The following TNS3 variants were observed in gnomAD, a reference collection of about 807,000 sequenced individuals.
TNS3 encodes the protein tensin-3.
TNS3 carries 45 observed loss-of-function variants against 140.9 expected under a neutral mutation model. The ratio of observed to expected loss-of-function variants is 0.32; its 90% CI spans 0.25 to 0.41. The LOEUF (loss-of-function observed/expected upper bound fraction) is 0.41, where lower values mean the gene tolerates loss of function less well. TNS3 is among the 10% of genes least tolerant of loss of function. The pLI, the probability that TNS3 is intolerant of heterozygous loss-of-function variation, is 1.00. For missense variants in TNS3, 1,716 were observed against 1,906.7 expected (o/e 0.90, Z 1.86); for synonymous variants, 815 against 788.4 (o/e 1.03, Z -0.56).
chr7:47,302,162 G>A (rs1584350917), intron 23 of TNS3, 24 bp downstream of exon 23: 2 of 1,601,012 alleles, frequency 1.2e-6, no homozygotes, highest in Non-Finnish European at 1.7e-6. Flanking sequence ...GATGCCCAAG[G>A]AGGCCCTCAT....
chr7:47,475,543 G>A (rs1220215908), intron 4 of TNS3, among the ~76,000 whole-genome samples: 6 of 149,228 alleles, frequency 4.0e-5, no homozygotes, highest in African/African-American at 1.2e-4. Flanking sequence ...CGGGGGGGGG[G>A]CCAGGCCCTC....
intron 2 of TNS3, among the ~76,000 whole-genome samples, chr7:47,514,458 G>A (rs1798713934): frequency 6.6e-6 from 1 of 152,146 alleles, no homozygotes; most frequent in South Asian, 2.1e-4. Context: ...CTCCTAGCAG[G>A]TGCTTAATAA....
At chr7:47,339,047 T>C (rs1013222677) in intron 20 of TNS3, among the ~76,000 whole-genome samples, 1 of 152,222 alleles carries the variant, frequency 6.6e-6, no homozygotes, top group Non-Finnish European at 1.5e-5. Flanking sequence ...ATTTTCTAAG[T>C]GAATTGTTTG....
At chr7:47,458,771 A>ATC (rs1796363900) in intron 4 of TNS3, among the ~76,000 whole-genome samples, 1 of 152,194 alleles carries the variant, frequency 6.6e-6, no homozygotes, top group African/African-American at 2.4e-5. Flanking sequence ...CTGTGGCTGA[A>ATC]GAGCAGGGCC....
intron 13 of TNS3, among the ~76,000 whole-genome samples, chr7:47,411,164 AT>A (rs1213583001): frequency 6.6e-6 from 1 of 152,208 alleles, no homozygotes; most frequent in Non-Finnish European, 1.5e-5. Flanking sequence ...TAGGACATTA[AT>A]TTCCAGGTTG....
chr7:47,562,721 A>G (rs984919807), intron 1 of TNS3, among the ~76,000 whole-genome samples: 3 of 152,164 alleles, frequency 2.0e-5, no homozygotes, highest in Admixed American at 2.0e-4. Flanking sequence ...AACATTTCAC[A>G]AAACTCTGCA....
At chr7:47,504,075 G>C (rs944699866) in intron 3 of TNS3, among the ~76,000 whole-genome samples, 1 of 152,172 alleles carries the variant, frequency 6.6e-6, no homozygotes, top group Non-Finnish European at 1.5e-5. Flanking sequence ...GACTAGAAAG[G>C]CTTCAGGAGA....
At chr7:47,551,215 C>G (rs997307998) in intron 1 of TNS3, among the ~76,000 whole-genome samples, 1 of 152,236 alleles carries the variant, frequency 6.6e-6, no homozygotes. Flanking sequence ...CAAGCTCTAG[C>G]ACCTGAGCTC....
intron 3 of TNS3, among the ~76,000 whole-genome samples, chr7:47,492,833 G>A (rs1797862878): frequency 6.6e-6 from 1 of 152,242 alleles, no homozygotes; most frequent in South Asian, 2.1e-4. Flanking sequence ...GCCTCATGCT[G>A]AGAAAGGCGG....
At chr7:47,288,148 T>G (rs563578877) in intron 27 of TNS3, among the ~76,000 whole-genome samples, 1 of 152,174 alleles carries the variant, frequency 6.6e-6, no homozygotes, top group Admixed American at 6.5e-5. Flanking sequence ...CATATAGGGC[T>G]GAATGGGCAG....
chr7:47,411,707 C>A lies in TNS3; in HGVS notation c.723+20G>T, dbSNP rs562406719. ...GAGAGTGGGGACACCAACCCATCTGCGGCCACAGCGGGCACTCACCATGAC... is the reference window on the plus strand; with the variant it reads ...GAGAGTGGGGACACCAACCCATCTGAGGCCACAGCGGGCACTCACCATGAC... On this transcript the variant is annotated intron_variant, in intron 13 of 30. Transcript: ENST00000311160. 2 of 1,602,074 alleles carry A rather than the reference C, an allele frequency of 1.2e-6. No homozygotes were observed. Among genetic ancestry groups the A allele is most frequent in the African/African-American group, 2.7e-5 (2 of 74,582 alleles).
intron 28 of TNS3, among the ~76,000 whole-genome samples, chr7:47,282,233 TGC>T (rs1785183881): frequency 6.8e-6 from 1 of 147,838 alleles, no homozygotes; most frequent in Admixed American, 6.7e-5. Flanking sequence ...GAGTCCACCA[TGC>T]AGCTGAGCCA....
At chr7:47,405,500 T>C (rs1206249922) in intron 13 of TNS3, 2 of 702,980 alleles carry the variant, frequency 2.8e-6, no homozygotes, top group Non-Finnish European at 5.2e-6. Context: ...ACACTAACCA[T>C]GATTTCTTCA....
At position 47,529,079 on chromosome 7, in the gene TNS3, T is replaced by G. The variant is rs765791832; in HGVS notation, c.-196A>C. On this transcript the variant is annotated 5_prime_UTR_variant, in exon 2 of 31. Coordinates refer to ENST00000311160, the MANE Select transcript of TNS3 (RefSeq NM_022748.12). ...GACCGTCAATAATTTGTTTGCAAAC[T>G]CCACACACTTTGGATTTTTTAAAGG... is the stretch of plus-strand genomic sequence containing the variant. 3.9e-6 allele frequency: 5 copies of G among 1,289,018 alleles called. No homozygotes were observed. The highest frequency in any genetic ancestry group is 1.5e-5 in the African/African-American group (1 of 65,856). The allele number at this position is 1,289,018 out of a possible 1,614,324, so 79.8% of individuals were successfully genotyped here.
chr7:47,519,573 G>A (rs1798894414), intron 2 of TNS3, among the ~76,000 whole-genome samples: 1 of 152,182 alleles, frequency 6.6e-6, no homozygotes, highest in African/African-American at 2.4e-5. Flanking sequence ...TGACTGTCCA[G>A]GACTTCTTTG....
intron 3 of TNS3, among the ~76,000 whole-genome samples, chr7:47,482,024 G>A (rs1396090430): frequency 6.6e-6 from 1 of 152,260 alleles, no homozygotes; most frequent in Non-Finnish European, 1.5e-5. Flanking sequence ...AAGGGAGCCA[G>A]GCAGGCATTG....
At chr7:47,495,620 A>T (rs1395487762) in intron 3 of TNS3, among the ~76,000 whole-genome samples, 1 of 152,174 alleles carries the variant, frequency 6.6e-6, no homozygotes, top group Admixed American at 6.5e-5. Flanking sequence ...CTCAGGAACA[A>T]GATCCCACTG....
chr7:47,520,221 C>A (rs1309649833), intron 2 of TNS3, among the ~76,000 whole-genome samples: 2 of 152,188 alleles, frequency 1.3e-5, no homozygotes, highest in African/African-American at 4.8e-5. Context: ...TCTTCCCTGG[C>A]TTCGAGGATG....
chr7:47,323,162 C>T (rs777132275), intron 20 of TNS3, among the ~76,000 whole-genome samples: 1 of 152,190 alleles, frequency 6.6e-6, no homozygotes, highest in Non-Finnish European at 1.5e-5. Flanking sequence ...TTTCTGAAAT[C>T]TGTGCATACC....
Sources: gnomAD v4.1 joint callset for allele counts (sites outside exome capture counted in the v4.1 genomes callset) on GRCh38, gnomAD v4.1.1 for gene constraint, MANE v1.5 for transcripts, NCBI Gene and HGNC (gene_info 2026-07-23, HGNC 2026-07-21) for gene names.